Variants in ASB5 observed in about 807,000 individuals in gnomAD.
The protein encoded by ASB5 is ankyrin repeat and SOCS box protein 5.
A neutral mutation model predicts 42.1 loss-of-function variants in ASB5; 45 were observed. The observed-to-expected ratio is 1.07, with a 90% CI of 0.84 to 1.37. The LOEUF is 1.37. Ranked by LOEUF, ASB5 falls within the 40% of genes most tolerant of loss-of-function variation. The pLI, the probability that ASB5 is intolerant of heterozygous loss-of-function variation, is 0.00. For synonymous variants in ASB5, 147 were observed against 150.6 expected, an observed-to-expected ratio of 0.98 and a Z score of 0.18; for missense variants, 402 against 399.8, an observed-to-expected ratio of 1.01 and a Z score of -0.05.
At chr4:176,237,209 G>A (rs150049139) in intron 1 of ASB5, 16 of 884,326 alleles carry the variant, frequency 1.8e-5, no homozygotes, top group East Asian at 2.4e-4. Context: ...GAAAGCACCC[G>A]CAGTTTAAAG....
upstream of ASB5, among the ~76,000 whole-genome samples, chr4:176,272,704 G>A (rs1754490850): frequency 6.6e-6 from 1 of 152,112 alleles, no homozygotes; most frequent in Non-Finnish European, 1.5e-5. Flanking sequence ...ATGTCACTCA[G>A]AAGTTGAATA....
At chr4:176,245,947 AATG>A (rs879377962) in intron 1 of ASB5, among the ~76,000 whole-genome samples, 28 of 152,220 alleles carry the variant, frequency 1.8e-4, no homozygotes, top group Non-Finnish European at 3.5e-4. Context: ...ACCTAATGTA[AATG>A]ATGAGTTAAC....
At chr4:176,220,426 A>C (rs868510110) in intron 5 of ASB5, among the ~76,000 whole-genome samples, 10 of 152,144 alleles carry the variant, frequency 6.6e-5, no homozygotes, top group African/African-American at 2.2e-4. Context: ...AACTCCATTT[A>C]CTCATTTTAT....
At chr4:176,236,125 T>G (rs1379189471) in intron 1 of ASB5, among the ~76,000 whole-genome samples, 1 of 152,216 alleles carries the variant, frequency 6.6e-6, no homozygotes, top group Non-Finnish European at 1.5e-5. Flanking sequence ...TCTATCTGCA[T>G]TGAAGATATG....
chr4:176,244,914 G>T (rs1753879850), intron 1 of ASB5, among the ~76,000 whole-genome samples: 1 of 152,044 alleles, frequency 6.6e-6, no homozygotes, highest in Admixed American at 6.6e-5. Flanking sequence ...AGTGAGCTAT[G>T]ATTGCACCAC....
At chr4:176,215,806 A>T in intron 6 of ASB5, 79 bp from the exon 7 acceptor site, 1 of 1,380,804 alleles carries the variant, frequency 7.2e-7, no homozygotes, top group Non-Finnish European at 9.8e-7. Flanking sequence ...ACATAAAACC[A>T]TAAAAACTAC....
At chr4:176,238,051 G>T (rs900112977) in intron 1 of ASB5, among the ~76,000 whole-genome samples, 1 of 151,910 alleles carries the variant, frequency 6.6e-6, no homozygotes, top group Admixed American at 6.6e-5. Context: ...GTGAAACCCC[G>T]TCTTTACTAA....
Position 176,262,795 on chromosome 4 carries a change from A to C in ASB5, c.196+6118T>G, listed in dbSNP as rs572133989. Reference sequence around the variant, plus strand: ...TTATGTTGTAAGTAATAAATGAGCAACTAACTGAATGATTAAAGGAAGGAA... The same window carrying C: ...TTATGTTGTAAGTAATAAATGAGCACCTAACTGAATGATTAAAGGAAGGAA... On this transcript the variant is annotated intron_variant, in intron 1 of 6. Coordinates refer to ENST00000296525, the MANE Select transcript of ASB5 (RefSeq NM_080874.4). 5.9e-5 allele frequency among the ~76,000 whole-genome samples: 9 copies of C among 152,324 alleles called. No homozygotes were observed. In the South Asian group the frequency reaches 1.5e-3, roughly 25 times the overall value.
At chr4:176,242,478 T>C (rs1753830262) in intron 1 of ASB5, among the ~76,000 whole-genome samples, 1 of 152,220 alleles carries the variant, frequency 6.6e-6, no homozygotes, top group African/African-American at 2.4e-5. Flanking sequence ...TCAGCTTAGA[T>C]CAGTTGTGTT....
At chr4:176,257,326 C>A (rs1295343508) in intron 1 of ASB5, among the ~76,000 whole-genome samples, 1 of 152,176 alleles carries the variant, frequency 6.6e-6, no homozygotes, top group Non-Finnish European at 1.5e-5. Context: ...AGGTATTTGA[C>A]CAAATGCGCC....
Position 176,232,740 on chromosome 4 carries a change from A to G in ASB5, c.197-7399T>C, listed in dbSNP as rs1753581510. 2.0e-5 allele frequency among the ~76,000 whole-genome samples: 3 copies of G among 152,192 alleles called. No homozygotes were observed. The South Asian group carries it at 6.2e-4, about 32-fold the overall frequency. ...AAGGGAAATAATGTCTGGCATCTCA[A>G]TGCATTTCTAAAAGCCAACATCTTT... is the stretch of plus-strand genomic sequence containing the variant. On this transcript the variant is annotated intron_variant, in intron 1 of 6. Transcript: ENST00000296525.
intron 2 of ASB5, among the ~76,000 whole-genome samples, chr4:176,274,660 C>T (rs1000229156): frequency 3.3e-5 from 5 of 152,108 alleles, no homozygotes; most frequent in Non-Finnish European, 7.4e-5. Flanking sequence ...TACATTTGTG[C>T]CCTGTGTGGG....
At chr4:176,235,106 T>C (rs1351188071) in intron 1 of ASB5, among the ~76,000 whole-genome samples, 1 of 152,152 alleles carries the variant, frequency 6.6e-6, no homozygotes, top group Non-Finnish European at 1.5e-5. Context: ...TGTTATTCCA[T>C]AATGAGTCCA....
At position 176,252,231 on chromosome 4, in the gene ASB5, T is replaced by A. The variant is rs183392458; in HGVS notation, c.196+16682A>T. ...GATTAAGAAGAAGGAATGGAAGGCA[T>A]TACTTATAGATTCAACTTCGGACAG... On this transcript the variant is annotated intron_variant, in intron 1 of 6. Transcript: ENST00000296525. Among the ~76,000 whole-genome samples, 66 of 152,224 alleles carry A rather than the reference T, an allele frequency of 4.3e-4. 1 individual carries two copies. Among genetic ancestry groups the A allele is most frequent in the African/African-American group, 1.6e-3 (65 of 41,528 alleles).
At chr4:176,273,672 C>T (rs1004424798), upstream of ASB5, among the ~76,000 whole-genome samples, 4 of 152,168 alleles carry the variant, frequency 2.6e-5, no homozygotes, top group African/African-American at 9.7e-5. Context: ...AGCCTTTCTC[C>T]TAAAAATTGA....
chr4:176,220,585 A>T (rs1034191385), intron 5 of ASB5, among the ~76,000 whole-genome samples: 1 of 152,130 alleles, frequency 6.6e-6, no homozygotes. Context: ...GTGGGTTAGG[A>T]ATGTTTTTCA....
In ASB5 at chr4:176,215,465, T is replaced by C. The variant is rs1213923189; in HGVS notation, c.*135A>G. The C allele has an allele frequency of 2.4e-6, 2 of 849,180 alleles. No homozygotes were observed. The highest frequency in any genetic ancestry group is 3.5e-5 in the African/African-American group (2 of 57,924). The allele number at this position is 849,180 out of a possible 1,614,324, so 52.6% of individuals were successfully genotyped here. A position where few individuals can be genotyped will look rare whatever the true frequency, so the allele number is the denominator to read the frequency against. Reference sequence around the variant, plus strand: ...GTACTAATACACTTAAAATGAAAATTGATATTTTACTGCTTCCCTGGGTGA... The same window carrying C: ...GTACTAATACACTTAAAATGAAAATCGATATTTTACTGCTTCCCTGGGTGA... On this transcript the variant is annotated 3_prime_UTR_variant, in exon 7 of 7. Transcript: ENST00000296525.
At chr4:176,229,577 A>T (rs1460353291) in intron 1 of ASB5, among the ~76,000 whole-genome samples, 1 of 152,070 alleles carries the variant, frequency 6.6e-6, no homozygotes. Flanking sequence ...AAGTATCCAA[A>T]TCGCATCCCC....
exon 2 of ASB5, chr4:176,275,852 T>G (rs1016628148): frequency 1.3e-5 from 2 of 152,230 alleles, no homozygotes; most frequent in Non-Finnish European, 2.9e-5. Context: ...CTGAGTCCCC[T>G]CTCCCTCATC....
Sources: gnomAD v4.1 joint callset for allele counts (sites outside exome capture counted in the v4.1 genomes callset) on GRCh38, gnomAD v4.1.1 for gene constraint, MANE v1.5 for transcripts, NCBI Gene and HGNC (gene_info 2026-07-23, HGNC 2026-07-21) for gene names.